Variants in KCNH7 observed in about 807,000 individuals in gnomAD.
KCNH7 encodes the protein voltage-gated inwardly rectifying potassium channel KCNH7.
In KCNH7, 49 loss-of-function variants were observed where a neutral mutation model predicts 120.8. The observed-to-expected ratio is 0.41, with a 90% CI of 0.32 to 0.51. The LOEUF (loss-of-function observed/expected upper bound fraction) is 0.51, where lower values mean the gene tolerates loss of function less well. Ranked by LOEUF, KCNH7 falls within the 20% of genes least tolerant of loss-of-function variation. The pLI, the probability that KCNH7 is intolerant of heterozygous loss-of-function variation, is 0.38. For synonymous variants in KCNH7, 547 were observed against 516.1 expected (o/e 1.06, Z -0.81); for missense variants, 1,097 against 1,446.6 (o/e 0.76, Z 3.92).
intron 9 of KCNH7, among the ~76,000 whole-genome samples, chr2:162,422,457 C>T (rs543171522): frequency 6.6e-6 from 1 of 152,216 alleles, no homozygotes; most frequent in African/African-American, 2.4e-5. Context: ...GGAGGAGTAG[C>T]CATATGGGAA....
intron 2 of KCNH7, among the ~76,000 whole-genome samples, chr2:162,585,770 C>A (rs1189265422): frequency 1.3e-5 from 2 of 151,654 alleles, no homozygotes; most frequent in Non-Finnish European, 2.9e-5. Context: ...TTTTCAGGAG[C>A]ACTATTAGAT....
chr2:162,573,136 C>T (rs992652995), intron 2 of KCNH7, among the ~76,000 whole-genome samples: 1 of 151,836 alleles, frequency 6.6e-6, no homozygotes, highest in Non-Finnish European at 1.5e-5. Flanking sequence ...GAAATGAATT[C>T]CTCAAGAAAT....
chr2:162,519,878 T>C (rs1043114329), intron 3 of KCNH7, among the ~76,000 whole-genome samples: 4 of 151,824 alleles, frequency 2.6e-5, no homozygotes, highest in African/African-American at 7.2e-5. Flanking sequence ...CTCAATGCAC[T>C]GAAGATGCTT....
intron 9 of KCNH7, among the ~76,000 whole-genome samples, chr2:162,418,822 T>G (rs916814374): frequency 1.3e-5 from 2 of 152,088 alleles, no homozygotes; most frequent in African/African-American, 4.8e-5. Context: ...GCAATATAAA[T>G]TTATATTAAA....
At chr2:162,695,538 G>C (rs1463593676) in intron 2 of KCNH7, among the ~76,000 whole-genome samples, 1 of 152,168 alleles carries the variant, frequency 6.6e-6, no homozygotes, top group African/African-American at 2.4e-5. Flanking sequence ...TCTCTGTGCT[G>C]AGGAAAGTCA....
intron 2 of KCNH7, among the ~76,000 whole-genome samples, chr2:162,599,510 A>G (rs542668282): frequency 7.5e-4 from 114 of 152,032 alleles, no homozygotes; most frequent in African/African-American, 2.7e-3. Context: ...TTTAATATAT[A>G]TTATTTTCAT....
In KCNH7 at chr2:162,605,416, C is replaced by A. The variant is rs182740069; in HGVS notation, c.308-68336G>T. 3.9e-4 allele frequency among the ~76,000 whole-genome samples: 60 copies of A among 152,180 alleles called. No homozygotes were observed. The East Asian group carries it at 0.01, about 26-fold the overall frequency. ...AATTTAGCTTCCTCTGTAGCTTTGA[C>A]AAGATAAACCATTTCAGAGAAGGTT... On this transcript the variant is annotated intron_variant, in intron 2 of 15. Coordinates refer to ENST00000332142, the MANE Select transcript of KCNH7 (RefSeq NM_033272.4).
chr2:162,626,349 C>T (rs1171747904), intron 2 of KCNH7, among the ~76,000 whole-genome samples: 1 of 152,044 alleles, frequency 6.6e-6, no homozygotes, highest in Non-Finnish European at 1.5e-5. Flanking sequence ...TTGAAAATCT[C>T]ATAAAATAAA....
chr2:162,385,794 C>T (rs1686554769), intron 12 of KCNH7, among the ~76,000 whole-genome samples: 1 of 151,848 alleles, frequency 6.6e-6, no homozygotes, highest in South Asian at 2.1e-4. Flanking sequence ...ATCCACTCTA[C>T]GCCTCAGTGT....
At chr2:162,703,262 C>A (rs796361032) in intron 2 of KCNH7, among the ~76,000 whole-genome samples, 19 of 152,142 alleles carry the variant, frequency 1.2e-4, no homozygotes, top group African/African-American at 4.1e-4. Flanking sequence ...ATTTGAGACA[C>A]CTAAATTACA....
chr2:162,477,557 A>T (rs901436775), intron 6 of KCNH7, among the ~76,000 whole-genome samples: 1 of 152,364 alleles, frequency 6.6e-6, no homozygotes, highest in East Asian at 1.9e-4. Context: ...CCCTAAAAAA[A>T]AGCAGGTTGT....
chr2:162,380,352 T>C (rs1686374219), intron 13 of KCNH7, among the ~76,000 whole-genome samples: 1 of 152,186 alleles, frequency 6.6e-6, no homozygotes, highest in African/African-American at 2.4e-5. Context: ...GAGTCTGTGC[T>C]TTTATATCTA....
intron 6 of KCNH7, among the ~76,000 whole-genome samples, chr2:162,470,040 G>T (rs1044179281): frequency 6.6e-6 from 1 of 152,212 alleles, no homozygotes; most frequent in South Asian, 2.1e-4. Flanking sequence ...GTGCAGTGGC[G>T]TGATCTCGGC....
In KCNH7 at chr2:162,826,370, A is replaced by G. The variant is rs180953157; in HGVS notation, c.307+10167T>C. ...CTTTTATTGAACTTGTGGATGTTCC[A>G]TCAGAATCAGTCAACTGTGTTGGCA... On this transcript the variant is annotated intron_variant, in intron 2 of 15. Coordinates refer to ENST00000332142, the MANE Select transcript of KCNH7 (RefSeq NM_033272.4). Among the ~76,000 whole-genome samples the G allele has an allele frequency of 5.3e-5, 8 of 152,256 alleles. No individual in the cohort carries two copies. In the East Asian group the frequency reaches 1.5e-3, roughly 29 times the overall value.
At chr2:162,671,378 A>C (rs1281250702) in intron 2 of KCNH7, among the ~76,000 whole-genome samples, 1 of 151,348 alleles carries the variant, frequency 6.6e-6, no homozygotes, top group Middle Eastern at 3.4e-3. Context: ...CAGCCATTAA[A>C]AAAATGAAAT....
chr2:162,406,021 T>A (rs973677525), intron 9 of KCNH7, among the ~76,000 whole-genome samples: 6 of 151,980 alleles, frequency 3.9e-5, no homozygotes, highest in Non-Finnish European at 5.9e-5. Flanking sequence ...TGGCTGCTGA[T>A]AAAAGATAGC....
chr2:162,514,102 C>G (rs1046749707), intron 4 of KCNH7, among the ~76,000 whole-genome samples: 1 of 151,808 alleles, frequency 6.6e-6, no homozygotes, highest in Non-Finnish European at 1.5e-5. Context: ...TATGCTAACA[C>G]TGTGCCCATT....
intron 7 of KCNH7, among the ~76,000 whole-genome samples, chr2:162,435,852 T>C (rs1427624800): frequency 1.3e-5 from 2 of 152,146 alleles, no homozygotes; most frequent in African/African-American, 4.8e-5. Context: ...TCTTGTTTTA[T>C]GTTCTAAGTG....
intron 2 of KCNH7, among the ~76,000 whole-genome samples, chr2:162,765,475 T>TA (rs1409875795): frequency 6.6e-6 from 1 of 152,180 alleles, no homozygotes; most frequent in Non-Finnish European, 1.5e-5. Flanking sequence ...CTAATATAGG[T>TA]AGGTCCTTTG....
Sources: allele counts gnomAD v4.1 joint callset (sites outside exome capture counted in the v4.1 genomes callset), GRCh38; gene constraint gnomAD v4.1.1; transcripts MANE v1.5; gene names NCBI Gene and HGNC (gene_info 2026-07-23, HGNC 2026-07-21).